ELOVL6: variants seen among roughly 807,000 people sequenced by gnomAD.
ELOVL6 encodes the protein very long chain fatty acid elongase 6.
In ELOVL6, 8 loss-of-function variants were observed where a neutral mutation model predicts 31.7. That is an observed-to-expected ratio of 0.25 (90% CI 0.15 to 0.45). The LOEUF is 0.45. ELOVL6 is among the 20% of genes least tolerant of loss of function. ELOVL6 has a pLI of 1.00. For missense variants in ELOVL6, 126 were observed against 326.4 expected (o/e 0.39, Z 4.73); for synonymous variants, 101 against 117.7 (o/e 0.86, Z 0.92).
intron 1 of ELOVL6, among the ~76,000 whole-genome samples, chr4:110,186,958 C>A (rs1578289174): frequency 6.9e-6 from 1 of 145,816 alleles, no homozygotes; most frequent in Admixed American, 6.9e-5. Context: ...TGTCAATGTT[C>A]CGTGATTTCA....
chr4:110,084,093 CATAT>C (rs372818778), intron 2 of ELOVL6, among the ~76,000 whole-genome samples: 3 of 75,880 alleles, frequency 4.0e-5, no homozygotes, highest in Admixed American at 3.4e-4. Context: ...TGATATATAA[CATAT>C]ATATGATATA....
At chr4:110,094,419 ATATATATATATATATATATATATAAT>A (rs1159186004) in intron 2 of ELOVL6, among the ~76,000 whole-genome samples, 13 of 54,874 alleles carry the variant, frequency 2.4e-4, no homozygotes, top group South Asian at 1.7e-3. Flanking sequence ...ATATATATAT[ATATATATATATATATATATATATAAT>A]ATATATAACA....
At chr4:110,195,859 C>G (rs1007758333) in intron 1 of ELOVL6, among the ~76,000 whole-genome samples, 3 of 152,120 alleles carry the variant, frequency 2.0e-5, no homozygotes, top group African/African-American at 7.2e-5. Flanking sequence ...AGTGGGATGA[C>G]AAGAACCGTA....
intron 2 of ELOVL6, among the ~76,000 whole-genome samples, chr4:110,062,653 G>C (rs55675150): frequency 6.6e-6 from 1 of 152,166 alleles, no homozygotes; most frequent in Non-Finnish European, 1.5e-5. Flanking sequence ...ATATGCTGCT[G>C]TTCTGCTACC....
chr4:110,118,477 T>A (rs1387604414), intron 1 of ELOVL6, among the ~76,000 whole-genome samples: 3 of 152,228 alleles, frequency 2.0e-5, no homozygotes, highest in Admixed American at 6.5e-5. Context: ...CATTTTCAAC[T>A]TTTTTAGATT....
At chr4:110,053,034 A>C (rs1754875858) in intron 3 of ELOVL6, among the ~76,000 whole-genome samples, 2 of 152,202 alleles carry the variant, frequency 1.3e-5, no homozygotes, top group African/African-American at 4.8e-5. Context: ...CCTGGGCTCA[A>C]GTGATCCTCC....
intron 2 of ELOVL6, among the ~76,000 whole-genome samples, chr4:110,088,114 T>C (rs966709321): frequency 3.3e-5 from 5 of 152,212 alleles, no homozygotes; most frequent in Admixed American, 1.3e-4. Flanking sequence ...ACCTTGACCC[T>C]CAGTTTGGAA....
intron 1 of ELOVL6, among the ~76,000 whole-genome samples, chr4:110,150,035 C>CT (rs886390247): frequency 4.0e-5 from 6 of 150,770 alleles, no homozygotes; most frequent in Admixed American, 6.6e-5. Flanking sequence ...GAAACTGTTT[C>CT]TTTTTTTTTC....
chr4:110,143,909 G>A (rs1451249501), intron 1 of ELOVL6, among the ~76,000 whole-genome samples: 1 of 151,830 alleles, frequency 6.6e-6, no homozygotes, highest in African/African-American at 2.4e-5. Context: ...TACAAAATTA[G>A]CCAGGCATAG....
chr4:110,143,674 A>C (rs1758027803), intron 1 of ELOVL6, among the ~76,000 whole-genome samples: 2 of 152,214 alleles, frequency 1.3e-5, no homozygotes. Context: ...TGCACATTAA[A>C]GCTTGAGCAA....
At chr4:110,097,744 T>G (rs1756626544) in intron 2 of ELOVL6, among the ~76,000 whole-genome samples, 1 of 151,926 alleles carries the variant, frequency 6.6e-6, no homozygotes, top group Non-Finnish European at 1.5e-5. Context: ...AGCAATTTAG[T>G]TTTAAGAAAA....
At chr4:110,107,035 T>G (rs1756909566) in intron 1 of ELOVL6, among the ~76,000 whole-genome samples, 1 of 152,192 alleles carries the variant, frequency 6.6e-6, no homozygotes. Flanking sequence ...GGTTGAGAAA[T>G]AAGTTACAAA....
intron 1 of ELOVL6, among the ~76,000 whole-genome samples, chr4:110,116,055 C>T (rs189861168): frequency 8.5e-5 from 13 of 152,288 alleles, no homozygotes; most frequent in Non-Finnish European, 1.5e-5. Flanking sequence ...ATGGGCCCAC[C>T]AGATAATCCA....
chr4:110,115,506 G>C (rs1214766516), intron 1 of ELOVL6, among the ~76,000 whole-genome samples: 1 of 152,138 alleles, frequency 6.6e-6, no homozygotes, highest in Admixed American at 6.5e-5. Context: ...CATTTCGGGA[G>C]GCCAAGGTGG....
At chr4:110,055,178 T>A (rs557363600) in intron 3 of ELOVL6, among the ~76,000 whole-genome samples, 69 of 152,192 alleles carry the variant, frequency 4.5e-4, no homozygotes, top group Non-Finnish European at 8.4e-4. Context: ...AGGTACAAAT[T>A]ATTTTTCCTC....
chr4:110,085,890 T>G (rs1756250046), intron 2 of ELOVL6, among the ~76,000 whole-genome samples: 1 of 152,180 alleles, frequency 6.6e-6, no homozygotes. Flanking sequence ...AAATATTTTG[T>G]ACTTTTTGTA....
chr4:110,066,419 G>A (rs532087996), intron 2 of ELOVL6, among the ~76,000 whole-genome samples: 2 of 151,902 alleles, frequency 1.3e-5, no homozygotes, highest in African/African-American at 4.8e-5. Context: ...GGCGGATCAC[G>A]AGGTCAGGAG....
intron 1 of ELOVL6, among the ~76,000 whole-genome samples, chr4:110,146,016 G>C (rs1230432178): frequency 6.6e-6 from 1 of 151,918 alleles, no homozygotes; most frequent in East Asian, 1.9e-4. Flanking sequence ...AGTTCATATG[G>C]AACCAAAAAA....
chr4:110,075,367 C>T (rs1265336319), intron 2 of ELOVL6, among the ~76,000 whole-genome samples: 1 of 152,008 alleles, frequency 6.6e-6, no homozygotes, highest in African/African-American at 2.4e-5. Context: ...TGAAAGCAAC[C>T]TAAATGTATC....
Sources: gnomAD v4.1 joint callset for allele counts (sites outside exome capture counted in the v4.1 genomes callset) on GRCh38, gnomAD v4.1.1 for gene constraint, MANE v1.5 for transcripts, NCBI Gene and HGNC (gene_info 2026-07-23, HGNC 2026-07-21) for gene names.